STXBP5: variants seen among roughly 807,000 people sequenced by gnomAD.
STXBP5 encodes syntaxin-binding protein 5.
STXBP5 carries 50 observed loss-of-function variants against 152.4 expected under a neutral mutation model. The observed-to-expected ratio is 0.33, with a 90% CI of 0.26 to 0.42. The LOEUF (loss-of-function observed/expected upper bound fraction) is 0.42, where lower values mean the gene tolerates loss of function less well. STXBP5 is among the 10% of genes least tolerant of loss of function. The probability of loss-of-function intolerance (pLI) is 1.00; values close to 1 mark genes in which losing one functional copy is unlikely to be tolerated. For synonymous variants in STXBP5, 492 were observed against 494.7 expected, an observed-to-expected ratio of 0.99 and a Z score of 0.07; for missense variants, 1,167 against 1,388.6, an observed-to-expected ratio of 0.84 and a Z score of 2.54.
At chr6:147,324,817 T>C (rs1783151846) in intron 16 of STXBP5, 142 bp from the exon 17 acceptor site, 39 of 753,320 alleles carry the variant, frequency 5.2e-5, no homozygotes, top group Non-Finnish European at 7.2e-5. Context: ...TCCCTCCAAC[T>C]AGGTTAAATG....
At chr6:147,324,270 T>TG (rs1304155343) in intron 16 of STXBP5, among the ~76,000 whole-genome samples, 29 of 122,368 alleles carry the variant, frequency 2.4e-4, no homozygotes, top group African/African-American at 2.2e-4. Context: ...TTTGGTTTTT[T>TG]TTTTTTTTTT....
At chr6:147,239,363 A>G in intron 4 of STXBP5, 93 bp downstream of exon 4, 1 of 1,041,106 alleles carries the variant, frequency 9.6e-7, no homozygotes, top group Non-Finnish European at 1.4e-6. Flanking sequence ...GATGGACCTT[A>G]TGCACAATCT....
intron 2 of STXBP5, among the ~76,000 whole-genome samples, chr6:147,233,703 G>A (rs1338598483): frequency 2.6e-5 from 4 of 151,562 alleles, no homozygotes; most frequent in African/African-American, 9.7e-5. Flanking sequence ...ATAAATGGGT[G>A]AACGGAGATA....
rs1021272041 is a variant in STXBP5, at chr6:147,267,117, T to C, written c.664T>C (p.Leu222=). The C allele has an allele frequency of 1.2e-5, 20 of 1,610,756 alleles. No homozygotes were observed. The highest frequency in any genetic ancestry group is 1.1e-4 in the African/African-American group (8 of 74,632). Residue 222 remains leucine, a synonymous_variant, in exon 7 of 28, where the codon TTA becomes CTA. Transcript: ENST00000321680. ...TGGCTTTGAATCTGGAACAGTAGTTTTATGGGACCTCAAATCAAAGAAAGC... is the reference window on the plus strand; with the variant it reads ...TGGCTTTGAATCTGGAACAGTAGTTCTATGGGACCTCAAATCAAAGAAAGC... ...LIGFESGTVV[L]WDLKSKKADY...
At chr6:147,253,822 A>T (rs1049939661) in intron 4 of STXBP5, among the ~76,000 whole-genome samples, 1 of 152,238 alleles carries the variant, frequency 6.6e-6, no homozygotes, top group African/African-American at 2.4e-5. Flanking sequence ...AAAACATTCC[A>T]TGCTGATGGA....
At chr6:147,255,983 G>A (rs913689869) in intron 4 of STXBP5, among the ~76,000 whole-genome samples, 1 of 152,110 alleles carries the variant, frequency 6.6e-6, no homozygotes, top group Non-Finnish European at 1.5e-5. Flanking sequence ...TTCAATGCAG[G>A]AACAGAAACC....
At chr6:147,375,409 A>G (rs1030850328) in intron 26 of STXBP5, among the ~76,000 whole-genome samples, 8 of 152,118 alleles carry the variant, frequency 5.3e-5, no homozygotes, top group Non-Finnish European at 8.8e-5. Flanking sequence ...TAAAAACCCA[A>G]TAGATAGGCT....
intron 2 of STXBP5, among the ~76,000 whole-genome samples, chr6:147,231,755 T>C (rs1393368831): frequency 2.0e-5 from 3 of 152,004 alleles, no homozygotes; most frequent in Non-Finnish European, 1.5e-5. Context: ...TTTCATTTAA[T>C]TGTGAACATA....
intron 4 of STXBP5, among the ~76,000 whole-genome samples, chr6:147,256,661 C>T (rs555247843): frequency 7.2e-5 from 11 of 152,224 alleles, no homozygotes; most frequent in Admixed American, 2.0e-4. Context: ...ATGGATTTGA[C>T]GATCAATGAT....
chr6:147,215,510 AG>A (rs1355214062), intron 2 of STXBP5, among the ~76,000 whole-genome samples: 1 of 152,054 alleles, frequency 6.6e-6, no homozygotes, highest in Non-Finnish European at 1.5e-5. Context: ...TCCCCCAAGT[AG>A]CTGGGACTCC....
intron 6 of STXBP5, among the ~76,000 whole-genome samples, chr6:147,265,426 T>C (rs1779844658): frequency 6.6e-6 from 1 of 152,138 alleles, no homozygotes; most frequent in African/African-American, 2.4e-5. Context: ...ATTGTGTGTC[T>C]ACTATGTATT....
chr6:147,319,719 A>T (rs950111749), intron 16 of STXBP5, among the ~76,000 whole-genome samples: 32 of 152,038 alleles, frequency 2.1e-4, no homozygotes, highest in African/African-American at 7.5e-4. Flanking sequence ...AGCAGTTCAG[A>T]CTTTAAAGAC....
At chr6:147,276,541 A>G (rs1484457390) in intron 7 of STXBP5, among the ~76,000 whole-genome samples, 2 of 152,128 alleles carry the variant, frequency 1.3e-5, no homozygotes, top group Non-Finnish European at 2.9e-5. Flanking sequence ...TATACATGAT[A>G]CTATTAAGAT....
chr6:147,206,674 A>G (rs1776580357), intron 2 of STXBP5, among the ~76,000 whole-genome samples: 1 of 152,172 alleles, frequency 6.6e-6, no homozygotes, highest in Non-Finnish European at 1.5e-5. Flanking sequence ...CTCATAGTCT[A>G]CATTTGTTAT....
chr6:147,298,217 C>T (rs753473970), intron 9 of STXBP5, among the ~76,000 whole-genome samples: 2 of 151,770 alleles, frequency 1.3e-5, no homozygotes, highest in Non-Finnish European at 2.9e-5. Context: ...ATAAAATAGG[C>T]GTTAAATCAA....
At chr6:147,241,667 T>G (rs1778551459) in intron 4 of STXBP5, among the ~76,000 whole-genome samples, 1 of 152,260 alleles carries the variant, frequency 6.6e-6, no homozygotes, top group Non-Finnish European at 1.5e-5. Context: ...AGAGATGTTA[T>G]AGCTGTCATA....
At chr6:147,326,291 A>C (rs1367041062) in intron 17 of STXBP5, among the ~76,000 whole-genome samples, 1 of 152,200 alleles carries the variant, frequency 6.6e-6, no homozygotes, top group Non-Finnish European at 1.5e-5. Context: ...TTTCAAAGGA[A>C]TCTATTACAG....
intron 26 of STXBP5, among the ~76,000 whole-genome samples, chr6:147,382,119 CTT>C (rs1424168470): frequency 6.6e-6 from 1 of 152,122 alleles, no homozygotes; most frequent in Non-Finnish European, 1.5e-5. Flanking sequence ...GAATTTAAGA[CTT>C]TTGCAGTGAT....
intron 16 of STXBP5, among the ~76,000 whole-genome samples, chr6:147,321,639 T>A (rs960531296): frequency 2.0e-5 from 3 of 152,210 alleles, no homozygotes; most frequent in African/African-American, 7.2e-5. Context: ...AAATTTTATG[T>A]TTTTGAATTA....
Sources: allele counts gnomAD v4.1 joint callset (sites outside exome capture counted in the v4.1 genomes callset), GRCh38; gene constraint gnomAD v4.1.1; transcripts MANE v1.5; gene names NCBI Gene and HGNC (gene_info 2026-07-23, HGNC 2026-07-21).